CNTN1: variants seen among roughly 807,000 people sequenced by gnomAD.
The protein encoded by CNTN1 is contactin 1, also known as contactin-1.
CNTN1 carries 38 observed loss-of-function variants against 126.4 expected under a neutral mutation model. That is an observed-to-expected ratio of 0.30 (90% CI 0.23 to 0.39). CNTN1 has a LOEUF of 0.39. Among genes scored for constraint, CNTN1 ranks in the 10% least tolerant of loss-of-function variants. The pLI is 1.00. For missense variants in CNTN1, 1,009 were observed against 1,248.4 expected (o/e 0.81, Z 2.89); for synonymous variants, 413 against 422.6 (o/e 0.98, Z 0.28).
intron 1 of CNTN1, among the ~76,000 whole-genome samples, chr12:40,832,457 T>C (rs1488932336): frequency 6.6e-6 from 1 of 152,168 alleles, no homozygotes. Flanking sequence ...TACGGTAACA[T>C]GCTGTTCATG....
intron 1 of CNTN1, among the ~76,000 whole-genome samples, chr12:40,781,644 C>T (rs1939809128): frequency 6.6e-6 from 1 of 152,002 alleles, no homozygotes; most frequent in East Asian, 1.9e-4. Context: ...TTTTTTTAAA[C>T]CAATATCTGG....
chr12:40,964,226 G>A (rs7963005), intron 15 of CNTN1, among the ~76,000 whole-genome samples: 18,203 of 151,842 alleles, frequency 0.12, 1,141 homozygotes, highest in Non-Finnish European at 0.12. Flanking sequence ...TACATCTTAT[G>A]TGTTACATTA....
chr12:40,930,278 T>G (rs931389770), intron 7 of CNTN1, among the ~76,000 whole-genome samples: 1 of 151,978 alleles, frequency 6.6e-6, no homozygotes, highest in Non-Finnish European at 1.5e-5. Flanking sequence ...AGTTCTAGTG[T>G]ATTGGTTACA....
chr12:40,930,902 C>A (rs1186676490), intron 7 of CNTN1, among the ~76,000 whole-genome samples: 1 of 151,948 alleles, frequency 6.6e-6, no homozygotes, highest in African/African-American at 2.4e-5. Context: ...GATAATCTCA[C>A]CCCCTACTTC....
chr12:40,925,448 T>G (rs1359622618), intron 6 of CNTN1, among the ~76,000 whole-genome samples: 3 of 151,292 alleles, frequency 2.0e-5, no homozygotes, highest in African/African-American at 7.3e-5. Flanking sequence ...TTGTGTGGGA[T>G]ACATCAATCT....
chr12:40,926,171 GGATAGATAGATAGATA>G lies in CNTN1; in HGVS notation c.496+1556_496+1571del, dbSNP rs56862813. 8.5e-4 allele frequency among the ~76,000 whole-genome samples: 117 copies of G among 137,618 alleles called. No homozygotes were observed. The East Asian group carries it at 0.013, about 15-fold the overall frequency. 90.3% of individuals were successfully genotyped at this position (137,618 alleles called of 152,430 possible). ...TGCCATGTTAGATATTGCTAAATAA[GGATAGATAGATAGATA>G]GATAGATAGATAGATAGATAGATAG... On this transcript the variant is annotated intron_variant, in intron 6 of 23. Coordinates refer to ENST00000551295, the MANE Select transcript of CNTN1 (RefSeq NM_001843.4).
At chr12:41,027,755 T>C (rs2120839734) in intron 21 of CNTN1, 102 bp from the exon 22 acceptor site, 1 of 768,356 alleles carries the variant, frequency 1.3e-6, no homozygotes, top group Non-Finnish European at 2.3e-6. Context: ...AACTAGATGG[T>C]GGTGGTCATT....
intron 14 of CNTN1, 93 bp downstream of exon 14, chr12:40,944,263 CT>C (rs1192247498): frequency 8.1e-7 from 1 of 1,235,874 alleles, no homozygotes; most frequent in Admixed American, 1.9e-5. Context: ...TTTATATCAT[CT>C]TTGTTTTTCA....
At chr12:40,846,963 G>A (rs1942531797) in intron 1 of CNTN1, among the ~76,000 whole-genome samples, 1 of 152,128 alleles carries the variant, frequency 6.6e-6, no homozygotes, top group South Asian at 2.1e-4. Flanking sequence ...CGCCTCCCAG[G>A]TTCAAATGAT....
chr12:40,907,751 A>C (rs1944883867), intron 1 of CNTN1, among the ~76,000 whole-genome samples: 1 of 152,194 alleles, frequency 6.6e-6, no homozygotes, highest in Non-Finnish European at 1.5e-5. Context: ...TTCTTGAATA[A>C]GTGAAAGAAG....
intron 1 of CNTN1, among the ~76,000 whole-genome samples, chr12:40,840,641 G>T (rs1942240393): frequency 1.3e-5 from 2 of 151,844 alleles, no homozygotes; most frequent in South Asian, 4.1e-4. Context: ...ATTATATCAA[G>T]TATCTTCTCA....
intron 1 of CNTN1, among the ~76,000 whole-genome samples, chr12:40,812,424 G>C (rs1201220155): frequency 1.3e-5 from 2 of 152,020 alleles, no homozygotes; most frequent in East Asian, 3.9e-4. Context: ...GAAACCTATA[G>C]ACAATGTTTC....
intron 16 of CNTN1, among the ~76,000 whole-genome samples, chr12:40,981,874 G>A (rs1053965246): frequency 1.3e-5 from 2 of 151,464 alleles, no homozygotes; most frequent in Non-Finnish European, 2.9e-5. Context: ...TATTTTCCCA[G>A]TTGTCACAAG....
intron 1 of CNTN1, among the ~76,000 whole-genome samples, chr12:40,810,228 T>C (rs1941007326): frequency 6.6e-6 from 1 of 152,178 alleles, no homozygotes; most frequent in South Asian, 2.1e-4. Flanking sequence ...TCTTCAGCTT[T>C]GTTGAGGTAT....
At chr12:40,963,058 G>A (rs1947163010) in intron 15 of CNTN1, among the ~76,000 whole-genome samples, 1 of 151,946 alleles carries the variant, frequency 6.6e-6, no homozygotes, top group Non-Finnish European at 1.5e-5. Flanking sequence ...CTCTGAAATA[G>A]GACACCTTCA....
chr12:40,971,643 C>T (rs748424307), intron 15 of CNTN1: 2 of 1,475,704 alleles, frequency 1.4e-6, no homozygotes, highest in Non-Finnish European at 1.8e-6. Flanking sequence ...TATGTTTCCC[C>T]TTTTGAAACA....
chr12:40,969,494 A>G (rs978856109), intron 15 of CNTN1, among the ~76,000 whole-genome samples: 9 of 152,166 alleles, frequency 5.9e-5, no homozygotes, highest in African/African-American at 2.2e-4. Flanking sequence ...GCAGCAAGGC[A>G]CAGTTCTAAA....
chr12:40,730,171 TA>T (rs1392000165), intron 1 of CNTN1, among the ~76,000 whole-genome samples: 1 of 152,202 alleles, frequency 6.6e-6, no homozygotes, highest in East Asian at 1.9e-4. Context: ...TCAGGCTTTT[TA>T]AAGTTTAGAT....
intron 6 of CNTN1, among the ~76,000 whole-genome samples, chr12:40,925,656 G>T (rs374785906): frequency 8.0e-6 from 1 of 124,426 alleles, no homozygotes; most frequent in East Asian, 2.2e-4. Flanking sequence ...GAGAGTTGTG[G>T]TTGTTTACAT....
Sources: gnomAD v4.1 joint callset for allele counts (sites outside exome capture counted in the v4.1 genomes callset) on GRCh38, gnomAD v4.1.1 for gene constraint, MANE v1.5 for transcripts, NCBI Gene and HGNC (gene_info 2026-07-23, HGNC 2026-07-21) for gene names.